SIM1: variants seen among roughly 807,000 people sequenced by gnomAD.
SIM1 encodes SIM bHLH transcription factor 1.
In SIM1, 18 loss-of-function variants were observed where a neutral mutation model predicts 78.2. The observed-to-expected ratio is 0.23, with a 90% CI of 0.16 to 0.34. The LOEUF (loss-of-function observed/expected upper bound fraction) is 0.34, where lower values mean the gene tolerates loss of function less well. Among genes scored for constraint, SIM1 ranks in the 10% least tolerant of loss-of-function variants. SIM1 has a pLI of 1.00. For synonymous variants in SIM1, 417 were observed against 385.2 expected (o/e 1.08, Z -0.97); for missense variants, 939 against 975.1 (o/e 0.96, Z 0.49).
rs1440878645 is a variant in SIM1 at position 100,463,623 on chromosome 6, T to C, written c.-155A>G. 1.5e-6 allele frequency: 1 copy of C among 675,500 alleles called. No homozygotes were observed. The highest frequency in any genetic ancestry group is 2.5e-5 in the Admixed American group (1 of 39,594). The allele number at this position is 675,500 out of a possible 1,614,324, so 41.8% of individuals were successfully genotyped here. Reference sequence around the variant, plus strand: ...ATTTGCACCAAGAACAGTGTATTGATGGCAGTAAAAGACCAGCGGGGGTGA... The same window carrying C: ...ATTTGCACCAAGAACAGTGTATTGACGGCAGTAAAAGACCAGCGGGGGTGA... On this transcript the variant is annotated 5_prime_UTR_variant, in exon 2 of 12. Transcript: ENST00000369208.
intron 1 of SIM1, among the ~76,000 whole-genome samples, chr6:100,464,179 A>T (rs1389764810): frequency 6.6e-6 from 1 of 152,134 alleles, no homozygotes; most frequent in Non-Finnish European, 1.5e-5. Context: ...ACAACAAAAT[A>T]CATATTTCTG....
chr6:100,428,997 CTG>C (rs775683041), intron 9 of SIM1, among the ~76,000 whole-genome samples: 9 of 152,040 alleles, frequency 5.9e-5, no homozygotes, highest in Non-Finnish European at 1.0e-4. Flanking sequence ...GAAAGCAAAA[CTG>C]TGGATAAGGG....
chr6:100,442,843 G>A (rs1002872905), intron 9 of SIM1, among the ~76,000 whole-genome samples: 21 of 151,966 alleles, frequency 1.4e-4, no homozygotes. Flanking sequence ...CACAAATAAT[G>A]TACCTAAAAG....
chr6:100,391,643 TA>T (rs1291030742), intron 11 of SIM1, among the ~76,000 whole-genome samples: 1 of 152,206 alleles, frequency 6.6e-6, no homozygotes, highest in Non-Finnish European at 1.5e-5. Flanking sequence ...TAATATATCT[TA>T]AGTACGGTTA....
In SIM1 at chr6:100,389,716, C is replaced by G. The variant is rs1770588515; in HGVS notation, c.*645G>C. On this transcript the variant is annotated 3_prime_UTR_variant, in exon 12 of 12. Transcript: ENST00000369208. ...ACTGAAAAGCAAGGTGAAAAATTAC[C>G]TCTTCCTGATTGTTTATAATGGATA... 4 of 398,816 alleles carry G rather than the reference C, an allele frequency of 1.0e-5. No individual in the cohort carries two copies. Among genetic ancestry groups the G allele is most frequent in the Non-Finnish European group, 1.8e-5 (4 of 226,026 alleles). The allele number at this position is 398,816 out of a possible 1,614,324, so 24.7% of individuals were successfully genotyped here.
intron 10 of SIM1, among the ~76,000 whole-genome samples, chr6:100,401,118 C>G (rs1192747444): frequency 2.0e-5 from 3 of 152,118 alleles, no homozygotes; most frequent in South Asian, 2.1e-4. Flanking sequence ...CACAACCTCA[C>G]TAATGAAGTA....
At chr6:100,419,159 C>T (rs546532166) in intron 10 of SIM1, among the ~76,000 whole-genome samples, 6 of 152,188 alleles carry the variant, frequency 3.9e-5, no homozygotes, top group South Asian at 2.1e-4. Flanking sequence ...GTGCGAGACT[C>T]CATCTCAAAA....
intron 2 of SIM1, among the ~76,000 whole-genome samples, chr6:100,462,440 T>C (rs1208394014): frequency 6.6e-6 from 1 of 152,248 alleles, no homozygotes; most frequent in Non-Finnish European, 1.5e-5. Context: ...TGGTTGTATA[T>C]AGGACAGTGT....
chr6:100,423,227 T>G (rs558004245), intron 9 of SIM1, among the ~76,000 whole-genome samples: 29 of 152,344 alleles, frequency 1.9e-4, no homozygotes, highest in Admixed American at 1.9e-3. Context: ...CATCTACCCC[T>G]TGCTTCATCC....
intron 9 of SIM1, among the ~76,000 whole-genome samples, chr6:100,421,753 A>G (rs1343457394): frequency 6.6e-6 from 1 of 152,190 alleles, no homozygotes; most frequent in Non-Finnish European, 1.5e-5. Context: ...GCCCATAGAT[A>G]CAACCTCTGC....
intron 10 of SIM1, among the ~76,000 whole-genome samples, chr6:100,413,193 T>C (rs1771305558): frequency 6.6e-6 from 1 of 152,200 alleles, no homozygotes; most frequent in East Asian, 1.9e-4. Flanking sequence ...ATAAGCTCTC[T>C]GGGGTGAGGA....
chr6:100,394,581 C>T lies in SIM1; in HGVS notation c.1168-692G>A, dbSNP rs532948728. Among the ~76,000 whole-genome samples the T allele has an allele frequency of 3.0e-4, 45 of 152,116 alleles. 1 individual carries two copies. In the South Asian group the frequency reaches 8.5e-3, roughly 29 times the overall value. On this transcript the variant is annotated intron_variant, in intron 10 of 11. Coordinates refer to ENST00000369208, the MANE Select transcript of SIM1 (RefSeq NM_005068.3). The stretch of plus-strand genomic sequence containing the variant: ...ACAATACACAGCTAATTTTTAAATT[C>T]TTTGGTAGAGACAGGGTCTTACTTT...
At chr6:100,445,810 G>A (rs753552749) in intron 9 of SIM1, among the ~76,000 whole-genome samples, 3 of 152,016 alleles carry the variant, frequency 2.0e-5, no homozygotes, top group Non-Finnish European at 2.9e-5. Context: ...CATGGTAAGC[G>A]GACATAATTT....
rs1033378996 is a variant in SIM1, at chr6:100,388,284, C to G, written c.*2077G>C. The G allele has an allele frequency of 2.6e-5, 4 of 152,132 alleles. No homozygotes were observed. Among genetic ancestry groups the G allele is most frequent in the African/African-American group, 9.7e-5 (4 of 41,432 alleles). 9.4% of individuals were successfully genotyped at this position (152,132 alleles called of 1,614,324 possible). ...GTTGGCCCTGTGGCGCTCACTTATA[C>G]AAAACATCGCCCTCTGTATACTCAG... On this transcript the variant is annotated 3_prime_UTR_variant, in exon 12 of 12. Transcript: ENST00000369208.
intron 9 of SIM1, among the ~76,000 whole-genome samples, chr6:100,421,451 T>C (rs969704308): frequency 6.6e-6 from 1 of 152,204 alleles, no homozygotes; most frequent in Admixed American, 6.5e-5. Context: ...GTTAGTTCAG[T>C]TCCTTTAGGT....
chr6:100,420,843 T>C lies in SIM1; in HGVS notation c.1114A>G (p.Lys372Glu). 1 of 1,614,088 alleles carries C rather than the reference T, an allele frequency of 6.2e-7. No individual in the cohort carries two copies. The highest frequency in any genetic ancestry group is 8.5e-7 in the Non-Finnish European group (1 of 1,180,004). Residue 372 changes from lysine to glutamate, a missense_variant, in exon 10 of 12, where the codon AAA becomes GAA. Lys to Glu is a moderately conservative substitution (Grantham distance 56). Transcript: ENST00000369208. ...GACTTTGAGCTGGAGAGCCGGGATT[T>C]GGCCCCCTTTCTGTTGTCAGTCATG... ...PTMTDNRKGAKSRLSSSKSKS... is the reference protein window; with the variant it reads ...PTMTDNRKGAESRLSSSKSKS...
chr6:100,406,855 A>G (rs1771063068), intron 10 of SIM1, among the ~76,000 whole-genome samples: 1 of 152,198 alleles, frequency 6.6e-6, no homozygotes, highest in Admixed American at 6.5e-5. Flanking sequence ...ACTTAAGATT[A>G]TTCTTAGCAA....
chr6:100,425,344 T>G (rs1771698973), intron 9 of SIM1, among the ~76,000 whole-genome samples: 1 of 152,180 alleles, frequency 6.6e-6, no homozygotes, highest in African/African-American at 2.4e-5. Context: ...ACTCTGTTAC[T>G]TTTTAGCTTC....
At chr6:100,447,515 C>T in intron 8 of SIM1, 100 bp from the exon 9 acceptor site, 1 of 1,311,170 alleles carries the variant, frequency 7.6e-7, no homozygotes, top group Non-Finnish European at 1.1e-6. Flanking sequence ...CCCTGTGGGC[C>T]CTAATAACTG....
Sources: allele counts gnomAD v4.1 joint callset (sites outside exome capture counted in the v4.1 genomes callset), GRCh38; gene constraint gnomAD v4.1.1; transcripts MANE v1.5; gene names NCBI Gene and HGNC (gene_info 2026-07-23, HGNC 2026-07-21).